PLSCR2: variants seen among roughly 807,000 people sequenced by gnomAD.
PLSCR2 encodes PL scramblase 2.
In PLSCR2, 18 loss-of-function variants were observed where a neutral mutation model predicts 25.3. The ratio of observed to expected loss-of-function variants is 0.71; its 90% confidence interval spans 0.49 to 1.06. The LOEUF (loss-of-function observed/expected upper bound fraction) is 1.06, where lower values mean the gene tolerates loss of function less well. PLSCR2 is among the 50% of genes least tolerant of loss of function. PLSCR2 has a pLI of 0.00. For missense variants in PLSCR2, 243 were observed against 269.5 expected, an observed-to-expected ratio of 0.90 and a Z score of 0.69; for synonymous variants, 88 against 87.3, an observed-to-expected ratio of 1.01 and a Z score of -0.04.
chr3:146,442,230 G>A (rs780730125), intron 6 of PLSCR2, among the ~76,000 whole-genome samples: 5 of 151,814 alleles, frequency 3.3e-5, no homozygotes, highest in Admixed American at 6.6e-5. Context: ...CAGCAGCATC[G>A]AAAAATATTA....
At chr3:146,442,758 C>G (rs1184101529) in intron 6 of PLSCR2, among the ~76,000 whole-genome samples, 1 of 151,816 alleles carries the variant, frequency 6.6e-6, no homozygotes, top group Non-Finnish European at 1.5e-5. Flanking sequence ...AATATATATA[C>G]AGAAGAATGG....
chr3:146,465,648 T>G (rs2041830297), intron 1 of PLSCR2, among the ~76,000 whole-genome samples: 1 of 151,676 alleles, frequency 6.6e-6, no homozygotes. Flanking sequence ...AGGTTCTGAA[T>G]TATTTTAGCA....
intron 8 of PLSCR2, among the ~76,000 whole-genome samples, chr3:146,434,002 C>G (rs2039669501): frequency 6.6e-6 from 1 of 152,152 alleles, no homozygotes. Context: ...TGGCTGTCCC[C>G]TCTCTCAATT....
At chr3:146,488,779 A>C (rs1436289790) in intron 1 of PLSCR2, among the ~76,000 whole-genome samples, 4 of 152,166 alleles carry the variant, frequency 2.6e-5, no homozygotes, top group Non-Finnish European at 5.9e-5. Flanking sequence ...AGGATCTGGA[A>C]CCAGAAATAC....
At chr3:146,452,942 A>G (rs1472394292) in intron 5 of PLSCR2, among the ~76,000 whole-genome samples, 1 of 151,914 alleles carries the variant, frequency 6.6e-6, no homozygotes, top group Non-Finnish European at 1.5e-5. Context: ...ATATTATCAT[A>G]TATTTTATAT....
chr3:146,451,716 C>A (rs2040907867), intron 5 of PLSCR2, among the ~76,000 whole-genome samples: 1 of 152,118 alleles, frequency 6.6e-6, no homozygotes. Flanking sequence ...GAGAGTAAGG[C>A]CAGAGTTTGA....
chr3:146,438,721 T>G (rs891925762), downstream of PLSCR2, among the ~76,000 whole-genome samples: 3 of 152,204 alleles, frequency 2.0e-5, no homozygotes, highest in African/African-American at 7.2e-5. Flanking sequence ...GTCTTGACTC[T>G]TTATCCAATT....
intron 3 of PLSCR2, among the ~76,000 whole-genome samples, chr3:146,394,514 C>G (rs372862834): frequency 2.0e-5 from 3 of 152,224 alleles, no homozygotes; most frequent in South Asian, 4.1e-4. Flanking sequence ...GATCTGCCCA[C>G]CTCGCCCTCC....
intron 2 of PLSCR2, among the ~76,000 whole-genome samples, chr3:146,409,240 ACAGT>A (rs1487076463): frequency 6.6e-6 from 1 of 152,114 alleles, no homozygotes; most frequent in Non-Finnish European, 1.5e-5. Flanking sequence ...TATTTCCTCT[ACAGT>A]CAAGAGGCAA....
intron 1 of PLSCR2, among the ~76,000 whole-genome samples, chr3:146,473,738 C>A: frequency 6.6e-6 from 1 of 152,198 alleles, no homozygotes; most frequent in East Asian, 1.9e-4. Flanking sequence ...CTCAGATTCA[C>A]CTGGAAATCT....
intron 2 of PLSCR2, among the ~76,000 whole-genome samples, chr3:146,399,694 TTTCC>T (rs1203195768): frequency 6.6e-6 from 1 of 151,502 alleles, no homozygotes; most frequent in East Asian, 1.9e-4. Context: ...TCCTTCCTTC[TTTCC>T]TTCCTTCCTT....
exon 4 of PLSCR2, chr3:146,455,294 G>A: frequency 6.2e-7 from 1 of 1,614,044 alleles, no homozygotes; most frequent in South Asian, 1.1e-5. Flanking sequence ...TCTTTCCAGA[G>A]TTATGACTTC....
At chr3:146,410,600 A>G (rs2038814638) in intron 2 of PLSCR2, among the ~76,000 whole-genome samples, 2 of 152,238 alleles carry the variant, frequency 1.3e-5, no homozygotes, top group South Asian at 4.1e-4. Context: ...CTTGTGACAA[A>G]AAAATCAGCA....
At chr3:146,423,635 T>C (rs2039237055) in intron 2 of PLSCR2, among the ~76,000 whole-genome samples, 1 of 152,048 alleles carries the variant, frequency 6.6e-6, no homozygotes, top group African/African-American at 2.4e-5. Flanking sequence ...TTTTAGATAA[T>C]GCTAATCAGG....
intron 3 of PLSCR2, 27 bp from the exon 4 acceptor site, chr3:146,455,486 C>T: frequency 1.5e-6 from 2 of 1,373,426 alleles, no homozygotes; most frequent in East Asian, 2.3e-5. Context: ...AATCAGTTGC[C>T]TTTACGTTAA....
chr3:146,424,593 G>A (rs191361559), intron 2 of PLSCR2, among the ~76,000 whole-genome samples: 32 of 152,214 alleles, frequency 2.1e-4, no homozygotes, highest in Admixed American at 1.5e-3. Flanking sequence ...CTTTTCTGCT[G>A]TTTTGCTTTT....
intron 1 of PLSCR2, among the ~76,000 whole-genome samples, chr3:146,488,903 A>G (rs1222302417): frequency 6.6e-6 from 1 of 152,194 alleles, no homozygotes; most frequent in African/African-American, 2.4e-5. Flanking sequence ...AATAGCAAAG[A>G]CATGGAATCA....
At chr3:146,464,802 C>G (rs1238396204), upstream of PLSCR2, among the ~76,000 whole-genome samples, 1 of 152,226 alleles carries the variant, frequency 6.6e-6, no homozygotes, top group South Asian at 2.1e-4. Context: ...CATTGCTGCT[C>G]TGGACTATTT....
intron 2 of PLSCR2, among the ~76,000 whole-genome samples, chr3:146,423,282 T>TCTCTCTCTCTCTCTCTC (rs758576585): frequency 9.9e-6 from 1 of 101,002 alleles, no homozygotes; most frequent in Admixed American, 1.2e-4. Flanking sequence ...TCTCTCTCTC[T>TCTCTCTCTCTCTCTCTC]CCCTGGCTAG....
Sources: gnomAD v4.1 joint callset for allele counts (sites outside exome capture counted in the v4.1 genomes callset) on GRCh38, gnomAD v4.1.1 for gene constraint, MANE v1.5 for transcripts, NCBI Gene and HGNC (gene_info 2026-07-23, HGNC 2026-07-21) for gene names.